Variants in PCDH9 observed in about 807,000 individuals in gnomAD.
The protein encoded by PCDH9 is protocadherin-9.
Under a neutral mutation model 70.6 loss-of-function variants are expected in PCDH9, and 24 were observed. The ratio of observed to expected loss-of-function variants is 0.34; its 90% CI spans 0.25 to 0.48. The LOEUF is 0.48. PCDH9 is among the 20% of genes least tolerant of loss of function. The pLI is 0.99. For synonymous variants in PCDH9, 562 were observed against 558.5 expected (o/e 1.01, Z -0.09); for missense variants, 1,281 against 1,503.6 (o/e 0.85, Z 2.45).
At chr13:66,836,374 T>C (rs923832586) in intron 3 of PCDH9, among the ~76,000 whole-genome samples, 4 of 152,192 alleles carry the variant, frequency 2.6e-5, no homozygotes, top group African/African-American at 9.6e-5. Flanking sequence ...TGTTTAAATA[T>C]TATTTTCATG....
chr13:66,775,314 G>T (rs1464212053), intron 3 of PCDH9, among the ~76,000 whole-genome samples: 1 of 152,126 alleles, frequency 6.6e-6, no homozygotes, highest in Non-Finnish European at 1.5e-5. Context: ...CCCAAATGGG[G>T]CCTTTTTAAG....
At chr13:66,908,687 T>A (rs774792681) in intron 2 of PCDH9, among the ~76,000 whole-genome samples, 1 of 152,196 alleles carries the variant, frequency 6.6e-6, no homozygotes, top group African/African-American at 2.4e-5. Context: ...AAATTTATTC[T>A]GGCCCAAATA....
chr13:66,349,045 T>A (rs1956255561), intron 4 of PCDH9, among the ~76,000 whole-genome samples: 2 of 152,232 alleles, frequency 1.3e-5, no homozygotes, highest in South Asian at 2.1e-4. Context: ...GAAAATAGAT[T>A]TCTGGACTCA....
chr13:66,571,180 T>A (rs2076728187), intron 4 of PCDH9, among the ~76,000 whole-genome samples: 1 of 152,088 alleles, frequency 6.6e-6, no homozygotes, highest in Admixed American at 6.6e-5. Context: ...TATTTATTGT[T>A]ACATGGTAAG....
intron 2 of PCDH9, among the ~76,000 whole-genome samples, chr13:67,116,925 A>G (rs997579402): frequency 1.3e-5 from 2 of 152,156 alleles, no homozygotes; most frequent in Non-Finnish European, 2.9e-5. Flanking sequence ...GGGAATTTCT[A>G]TTTCCACAGG....
chr13:66,508,675 A>C (rs1474553977), intron 4 of PCDH9, among the ~76,000 whole-genome samples: 1 of 152,328 alleles, frequency 6.6e-6, no homozygotes, highest in East Asian at 1.9e-4. Context: ...AAAAAAAACA[A>C]CACCAAATAC....
chr13:67,097,504 G>T (rs1197671223), intron 2 of PCDH9, among the ~76,000 whole-genome samples: 1 of 151,976 alleles, frequency 6.6e-6, no homozygotes, highest in Non-Finnish European at 1.5e-5. Flanking sequence ...TACTTTAATT[G>T]TTAAGCTGTT....
chr13:67,028,175 T>C (rs1275625007), intron 2 of PCDH9, among the ~76,000 whole-genome samples: 1 of 147,514 alleles, frequency 6.8e-6, no homozygotes. Flanking sequence ...AACCCAAATG[T>C]CCAACAGTGA....
At chr13:67,036,657 G>T (rs1020852226) in intron 2 of PCDH9, among the ~76,000 whole-genome samples, 16 of 152,092 alleles carry the variant, frequency 1.1e-4, no homozygotes, top group Non-Finnish European at 1.8e-4. Flanking sequence ...TAAACATGTT[G>T]GTTTTCCCTT....
At chr13:66,440,657 T>C (rs1353653758) in intron 4 of PCDH9, among the ~76,000 whole-genome samples, 1 of 152,088 alleles carries the variant, frequency 6.6e-6, no homozygotes, top group East Asian at 1.9e-4. Context: ...ATAGAAGGAA[T>C]TGGGACTCAG....
At chr13:66,511,310 A>C (rs1959459027) in intron 4 of PCDH9, among the ~76,000 whole-genome samples, 1 of 152,188 alleles carries the variant, frequency 6.6e-6, no homozygotes. Context: ...TACTTGGATT[A>C]GAATTCTTGC....
At chr13:66,646,849 C>A (rs916500149) in intron 3 of PCDH9, among the ~76,000 whole-genome samples, 1 of 152,290 alleles carries the variant, frequency 6.6e-6, no homozygotes, top group South Asian at 2.1e-4. Flanking sequence ...TTCTTCCATG[C>A]CCCAGCAGTG....
intron 4 of PCDH9, among the ~76,000 whole-genome samples, chr13:66,454,279 C>T (rs1186013629): frequency 6.6e-6 from 1 of 152,000 alleles, no homozygotes; most frequent in Non-Finnish European, 1.5e-5. Flanking sequence ...TAATGAGCTA[C>T]AACGAAGGAG....
intron 4 of PCDH9, among the ~76,000 whole-genome samples, chr13:66,606,257 C>T (rs1157821205): frequency 6.6e-6 from 1 of 152,058 alleles, no homozygotes; most frequent in Admixed American, 6.6e-5. Context: ...ACATCTCCCT[C>T]CTGAATACAT....
intron 3 of PCDH9, among the ~76,000 whole-genome samples, chr13:66,727,644 GAT>G (rs1410667640): frequency 6.6e-6 from 1 of 152,048 alleles, no homozygotes; most frequent in Non-Finnish European, 1.5e-5. Context: ...CATAGACTTA[GAT>G]ATAGACTAGA....
At chr13:67,135,586 T>C (rs2087214604) in intron 2 of PCDH9, among the ~76,000 whole-genome samples, 1 of 152,120 alleles carries the variant, frequency 6.6e-6, no homozygotes, top group African/African-American at 2.4e-5. Context: ...GGTAAGAACA[T>C]TGGTGGGCAG....
At chr13:66,466,067 A>C (rs1810531047) in intron 4 of PCDH9, among the ~76,000 whole-genome samples, 1 of 152,090 alleles carries the variant, frequency 6.6e-6, no homozygotes, top group Non-Finnish European at 1.5e-5. Flanking sequence ...TTTTTTTCAC[A>C]TATTGTCTGA....
At chr13:67,222,577 G>T (rs2089754488) in intron 2 of PCDH9, 1 of 152,120 alleles carries the variant, frequency 6.6e-6, no homozygotes, top group Admixed American at 6.6e-5. Flanking sequence ...TGAAATTTAA[G>T]TTTGGTAAGC....
chr13:66,366,233 A>G (rs1956552585), intron 4 of PCDH9, among the ~76,000 whole-genome samples: 1 of 151,986 alleles, frequency 6.6e-6, no homozygotes, highest in African/African-American at 2.4e-5. Context: ...CTCACCCCAA[A>G]TGCTATTATT....
Sources: gnomAD v4.1 joint callset for allele counts (sites outside exome capture counted in the v4.1 genomes callset) on GRCh38, gnomAD v4.1.1 for gene constraint, MANE v1.5 for transcripts, NCBI Gene and HGNC (gene_info 2026-07-23, HGNC 2026-07-21) for gene names.